The following TBCK variants were observed in gnomAD, a reference collection of about 807,000 sequenced individuals.
TBCK encodes TBC1 domain containing kinase, also known as TBC domain-containing protein kinase-like protein.
A neutral mutation model predicts 113.4 loss-of-function variants in TBCK; 99 were observed. That is an observed-to-expected ratio of 0.87 (90% CI 0.74 to 1.03). The LOEUF (loss-of-function observed/expected upper bound fraction) is 1.03. Ranked by LOEUF, TBCK falls within the 50% of genes least tolerant of loss-of-function variation. TBCK has a pLI of 0.00. For synonymous variants in TBCK, 369 were observed against 370.8 expected, an observed-to-expected ratio of 1.00 and a Z score of 0.05; for missense variants, 1,045 against 1,061.3, an observed-to-expected ratio of 0.98 and a Z score of 0.21.
intron 25 of TBCK, among the ~76,000 whole-genome samples, chr4:106,053,570 A>G (rs769070811): frequency 6.6e-6 from 1 of 151,586 alleles, no homozygotes; most frequent in Non-Finnish European, 1.5e-5. Flanking sequence ...CCTCTTCTCT[A>G]TCTACATTCC....
chr4:106,212,633 G>C (rs1756283082), intron 20 of TBCK, 117 bp downstream of exon 20: 3 of 650,368 alleles, frequency 4.6e-6, no homozygotes, highest in Non-Finnish European at 8.0e-6. Context: ...ATTAGTAGCA[G>C]TAACTTGTTC....
At chr4:106,216,983 ACCAAATCCAG>A (rs1355575249) in intron 19 of TBCK, among the ~76,000 whole-genome samples, 2 of 152,226 alleles carry the variant, frequency 1.3e-5, no homozygotes, top group Non-Finnish European at 2.9e-5. Context: ...ATACTGCCAA[ACCAAATCCAG>A]CAGCACATCA....
chr4:106,292,174 C>T (rs139530725), intron 3 of TBCK, among the ~76,000 whole-genome samples: 1 of 152,136 alleles, frequency 6.6e-6, no homozygotes, highest in African/African-American at 2.4e-5. Context: ...AAATGTGAGT[C>T]TATGCACTGT....
intron 19 of TBCK, among the ~76,000 whole-genome samples, chr4:106,214,069 C>A (rs576146185): frequency 6.6e-6 from 1 of 152,048 alleles, no homozygotes; most frequent in Non-Finnish European, 1.5e-5. Flanking sequence ...CCCTGACCCC[C>A]GAGCAGCCTA....
intron 18 of TBCK, among the ~76,000 whole-genome samples, chr4:106,231,116 A>G (rs1297382359): frequency 6.6e-6 from 1 of 151,748 alleles, no homozygotes; most frequent in Non-Finnish European, 1.5e-5. Context: ...TAGACATTCA[A>G]GCTATATACA....
At chr4:106,248,698 C>CA (rs1388139919) in intron 8 of TBCK, among the ~76,000 whole-genome samples, 25 of 152,298 alleles carry the variant, frequency 1.6e-4, no homozygotes, top group Admixed American at 1.5e-3. Context: ...GGTGAGACCT[C>CA]ACATAGCAAT....
intron 23 of TBCK, among the ~76,000 whole-genome samples, 181 bp downstream of exon 23, chr4:106,170,914 C>G (rs1750911646): frequency 6.6e-6 from 1 of 152,016 alleles, no homozygotes; most frequent in Non-Finnish European, 1.5e-5. Context: ...CTTCCTAACT[C>G]TATAACCAAA....
chr4:106,167,048 A>G (rs912693823), intron 23 of TBCK, among the ~76,000 whole-genome samples: 1 of 150,320 alleles, frequency 6.7e-6, no homozygotes, highest in Admixed American at 6.7e-5. Flanking sequence ...TGGAAACATA[A>G]TAACTTGAAA....
In TBCK at chr4:106,153,244, T is replaced by C. The variant is rs558412866; in HGVS notation, c.2235+17851A>G. The stretch of plus-strand genomic sequence containing the variant: ...TACTGTTTTTGCTGTACTTCATAGG[T>C]TTTATGTTGTGTCGCCATTATAATT... On this transcript the variant is annotated intron_variant, in intron 23 of 25. Transcript: ENST00000394708. Among the ~76,000 whole-genome samples, 9 of 152,130 alleles carry C rather than the reference T, an allele frequency of 5.9e-5. No homozygotes were observed. In the South Asian group the frequency reaches 1.9e-3, roughly 32 times the overall value.
At chr4:106,057,050 G>T (rs1182316105) in intron 25 of TBCK, among the ~76,000 whole-genome samples, 3 of 151,772 alleles carry the variant, frequency 2.0e-5, no homozygotes, top group Non-Finnish European at 4.4e-5. Flanking sequence ...GTGACCAGGT[G>T]CCTTGAATCA....
intron 23 of TBCK, among the ~76,000 whole-genome samples, chr4:106,136,506 A>G (rs928251101): frequency 7.1e-6 from 1 of 141,270 alleles, no homozygotes; most frequent in Admixed American, 7.0e-5. Flanking sequence ...GGGGTTTTCA[A>G]GTATAGTATT....
At chr4:106,093,456 G>A (rs1339371153) in intron 25 of TBCK, among the ~76,000 whole-genome samples, 2 of 152,176 alleles carry the variant, frequency 1.3e-5, no homozygotes, top group Admixed American at 1.3e-4. Flanking sequence ...GTAGTGAGCT[G>A]AGATTGCACC....
At chr4:106,215,634 G>A (rs1414927802) in intron 19 of TBCK, among the ~76,000 whole-genome samples, 1 of 152,116 alleles carries the variant, frequency 6.6e-6, no homozygotes, top group Non-Finnish European at 1.5e-5. Context: ...ATAACATAAT[G>A]GTAAAGGGAT....
chr4:106,215,367 A>G (rs1033970923), intron 19 of TBCK, among the ~76,000 whole-genome samples: 13 of 152,162 alleles, frequency 8.5e-5, no homozygotes, highest in African/African-American at 3.1e-4. Context: ...ACATAACACG[A>G]TTAACTTTAA....
Position 106,045,122 on chromosome 4 carries a change from T to C in TBCK, c.*1448A>G, listed in dbSNP as rs1252589831. ...TGCCCAGGCTGGGGTACAGTGGCCC[T>C]ATCATGGCTCATTGCAACCTCTGCC... On this transcript the variant is annotated 3_prime_UTR_variant, in exon 26 of 26. Coordinates refer to ENST00000394708, the MANE Select transcript of TBCK (RefSeq NM_001163435.3). 1 of 150,762 alleles carries C rather than the reference T, an allele frequency of 6.6e-6. No homozygotes were observed. Among genetic ancestry groups the C allele is most frequent in the Non-Finnish European group, 1.5e-5 (1 of 67,764 alleles). 9.3% of individuals were successfully genotyped at this position (150,762 alleles called of 1,614,324 possible).
intron 24 of TBCK, among the ~76,000 whole-genome samples, chr4:106,101,894 T>C (rs906312803): frequency 2.0e-5 from 3 of 152,226 alleles, no homozygotes; most frequent in Non-Finnish European, 4.4e-5. Flanking sequence ...TGTATTACCA[T>C]GGAAACTATT....
chr4:106,156,866 T>C (rs1298117960), intron 23 of TBCK, among the ~76,000 whole-genome samples: 2 of 152,168 alleles, frequency 1.3e-5, no homozygotes, highest in African/African-American at 4.8e-5. Flanking sequence ...TCCCTGTGGC[T>C]GAGTTGGTAC....
chr4:106,232,404 T>C (rs191214477), intron 17 of TBCK, among the ~76,000 whole-genome samples: 11 of 151,266 alleles, frequency 7.3e-5, no homozygotes, highest in Admixed American at 2.6e-4. Context: ...TAGCCACTTA[T>C]AACAACACAT....
At chr4:106,189,677 T>G (rs531320258) in intron 22 of TBCK, among the ~76,000 whole-genome samples, 1 of 152,316 alleles carries the variant, frequency 6.6e-6, no homozygotes, top group South Asian at 2.1e-4. Flanking sequence ...AATATTAATA[T>G]CAATTATAGC....
Sources: gnomAD v4.1 joint callset for allele counts (sites outside exome capture counted in the v4.1 genomes callset) on GRCh38, gnomAD v4.1.1 for gene constraint, MANE v1.5 for transcripts, NCBI Gene and HGNC (gene_info 2026-07-23, HGNC 2026-07-21) for gene names.